Variants in FAM117B observed in about 807,000 individuals in gnomAD.
FAM117B encodes the protein family with sequence similarity 117 member B, also known as protein FAM117B.
Under a neutral mutation model 52.8 loss-of-function variants are expected in FAM117B, and 22 were observed. The observed-to-expected ratio is 0.42, with a 90% CI of 0.30 to 0.59. FAM117B has a LOEUF of 0.59. Ranked by LOEUF, FAM117B falls within the 20% of genes least tolerant of loss-of-function variation. The pLI is 0.22. For synonymous variants in FAM117B, 309 were observed against 324.1 expected (o/e 0.95, Z 0.50); for missense variants, 678 against 802.6 (o/e 0.84, Z 1.88).
At chr2:202,743,624 C>T (rs928683372) in intron 4 of FAM117B, among the ~76,000 whole-genome samples, 3 of 128,868 alleles carry the variant, frequency 2.3e-5, no homozygotes, top group African/African-American at 6.0e-5. Flanking sequence ...TACAAAAGAA[C>T]ACAAACAATA....
chr2:202,645,414 C>G (rs1052042290), intron 1 of FAM117B, among the ~76,000 whole-genome samples: 2 of 151,188 alleles, frequency 1.3e-5, no homozygotes, highest in Admixed American at 1.3e-4. Context: ...CTCAGCCTCC[C>G]GAGTAGCTGG....
At chr2:202,758,883 G>T (rs1691841313) in intron 6 of FAM117B, among the ~76,000 whole-genome samples, 1 of 152,198 alleles carries the variant, frequency 6.6e-6, no homozygotes, top group African/African-American at 2.4e-5. Flanking sequence ...CACAGGCCAA[G>T]AATTAGTCAT....
intron 4 of FAM117B, among the ~76,000 whole-genome samples, chr2:202,746,586 A>G (rs541131939): frequency 1.3e-5 from 2 of 152,150 alleles, no homozygotes; most frequent in Non-Finnish European, 2.9e-5. Context: ...AAGTATTAGA[A>G]GAAAGATTAT....
chr2:202,697,581 C>G (rs189301135), intron 2 of FAM117B, among the ~76,000 whole-genome samples: 3 of 146,576 alleles, frequency 2.0e-5, no homozygotes, highest in Non-Finnish European at 3.0e-5. Context: ...GATAGAATCT[C>G]GCTGTGTCGC....
intron 1 of FAM117B, among the ~76,000 whole-genome samples, chr2:202,661,703 G>A (rs1690128737): frequency 6.6e-6 from 1 of 152,074 alleles, no homozygotes; most frequent in African/African-American, 2.4e-5. Flanking sequence ...ATCACCTGAG[G>A]TCAAGAGTTC....
At chr2:202,743,151 C>G (rs557207296) in intron 4 of FAM117B, among the ~76,000 whole-genome samples, 2 of 152,320 alleles carry the variant, frequency 1.3e-5, no homozygotes, top group South Asian at 4.1e-4. Flanking sequence ...TAAGGACCAG[C>G]ACACCAGGCC....
chr2:202,709,092 A>G (rs1266811895), intron 2 of FAM117B, among the ~76,000 whole-genome samples: 5 of 151,942 alleles, frequency 3.3e-5, no homozygotes, highest in African/African-American at 9.7e-5. Flanking sequence ...TCTTTCCCCA[A>G]TGACTAATGT....
At chr2:202,638,960 G>A (rs1243480695) in intron 1 of FAM117B, among the ~76,000 whole-genome samples, 4 of 152,122 alleles carry the variant, frequency 2.6e-5, no homozygotes, top group Non-Finnish European at 2.9e-5. Flanking sequence ...CAGATTTCAG[G>A]TGTTCATAAC....
chr2:202,672,473 C>T (rs1332099414), intron 1 of FAM117B, among the ~76,000 whole-genome samples: 2 of 152,182 alleles, frequency 1.3e-5, no homozygotes, highest in African/African-American at 2.4e-5. Flanking sequence ...CTTAGCCTCC[C>T]AAAGTGCTGG....
intron 3 of FAM117B, chr2:202,725,221 CT>C (rs1408913132): frequency 2.5e-5 from 8 of 325,686 alleles, no homozygotes; most frequent in Non-Finnish European, 2.8e-5. Flanking sequence ...GTATGTTTGT[CT>C]TTTTTTAGGA....
At chr2:202,637,810 A>T (rs1255296022) in intron 1 of FAM117B, among the ~76,000 whole-genome samples, 2 of 151,126 alleles carry the variant, frequency 1.3e-5, no homozygotes, top group African/African-American at 4.9e-5. Context: ...TGACATCATG[A>T]TGTGTAAGAT....
rs187081130 is a variant in FAM117B at position 202,690,698 on chromosome 2, G to A, written c.602-5183G>A. On this transcript the variant is annotated intron_variant, in intron 1 of 7. Transcript: ENST00000392238. Reference sequence around the variant, plus strand: ...TGGGAACTGCAAGTCCATGGTCTTAGTGTAGGGATCAAGGCAGTGCAGGCA... The same window carrying A: ...TGGGAACTGCAAGTCCATGGTCTTAATGTAGGGATCAAGGCAGTGCAGGCA... Among the ~76,000 whole-genome samples, 150 of 152,342 alleles carry A rather than the reference G, an allele frequency of 9.8e-4. 1 individual carries two copies. The highest frequency in any genetic ancestry group is 8.8e-5 in the Non-Finnish European group (6 of 68,028).
At chr2:202,641,641 C>CTTTTT (rs36085021) in intron 1 of FAM117B, among the ~76,000 whole-genome samples, 1 of 140,204 alleles carries the variant, frequency 7.1e-6, no homozygotes, top group African/African-American at 2.6e-5. Flanking sequence ...ATTTTATTTT[C>CTTTTT]TTTTTTTTTT....
chr2:202,737,529 C>T (rs1187199669), intron 4 of FAM117B, among the ~76,000 whole-genome samples: 2 of 152,112 alleles, frequency 1.3e-5, no homozygotes, highest in South Asian at 2.1e-4. Context: ...AGTATGTAAT[C>T]GTTTGAGACT....
chr2:202,699,449 G>GAAAAAAAAAAAAAAAAAAAAAAAAAAAAA (rs59522030), intron 2 of FAM117B, among the ~76,000 whole-genome samples: 4 of 100,032 alleles, frequency 4.0e-5, no homozygotes, highest in Non-Finnish European at 5.7e-5. Flanking sequence ...AAAAAAAAAA[G>GAAAAAAAAAAAAAAAAAAAAAAAAAAAAA]AAAAAAAAAA....
chr2:202,698,624 T>C lies in FAM117B; in HGVS notation c.753+2592T>C, dbSNP rs1574560561. Among the ~76,000 whole-genome samples the C allele has an allele frequency of 3.3e-5, 5 of 152,240 alleles. No homozygotes were observed. In the East Asian group the frequency reaches 9.7e-4, roughly 29 times the overall value. On this transcript the variant is annotated intron_variant, in intron 2 of 7. Coordinates refer to ENST00000392238, the MANE Select transcript of FAM117B (RefSeq NM_173511.4). Reference sequence around the variant, plus strand: ...TTTTAGTAGAGATGGAGTTTCACCATATTGGTCAGGCCAGTCTCAAACTCC... The same window carrying C: ...TTTTAGTAGAGATGGAGTTTCACCACATTGGTCAGGCCAGTCTCAAACTCC...
intron 4 of FAM117B, among the ~76,000 whole-genome samples, chr2:202,733,564 C>T (rs1023588102): frequency 2.4e-4 from 37 of 152,128 alleles, no homozygotes; most frequent in Admixed American, 2.4e-3. Context: ...ATATTCCTTG[C>T]TGGGAAAAGA....
At chr2:202,657,801 C>T (rs1237265312) in intron 1 of FAM117B, among the ~76,000 whole-genome samples, 1 of 152,042 alleles carries the variant, frequency 6.6e-6, no homozygotes, top group African/African-American at 2.4e-5. Context: ...CTTTTTGTTC[C>T]ATAATCTCCC....
intron 1 of FAM117B, among the ~76,000 whole-genome samples, chr2:202,659,005 T>C (rs1690088410): frequency 6.6e-6 from 1 of 152,046 alleles, no homozygotes; most frequent in Admixed American, 6.6e-5. Flanking sequence ...CTTTCCTGTC[T>C]TTTTTATTTT....
Sources: gnomAD v4.1 joint callset for allele counts (sites outside exome capture counted in the v4.1 genomes callset) on GRCh38, gnomAD v4.1.1 for gene constraint, MANE v1.5 for transcripts, NCBI Gene and HGNC (gene_info 2026-07-23, HGNC 2026-07-21) for gene names.